Variants in RNMT observed in about 807,000 individuals in gnomAD.
RNMT encodes mRNA cap guanine-N(7) methyltransferase.
Under a neutral mutation model 56.0 loss-of-function variants are expected in RNMT, and 27 were observed. The ratio of observed to expected loss-of-function variants is 0.48; its 90% confidence interval spans 0.36 to 0.67. The LOEUF (loss-of-function observed/expected upper bound fraction) is 0.67. Ranked by LOEUF, RNMT falls within the 30% of genes least tolerant of loss-of-function variation. The pLI, the probability that RNMT is intolerant of heterozygous loss-of-function variation, is 0.00. For synonymous variants in RNMT, 184 were observed against 176.2 expected (o/e 1.04, Z -0.35); for missense variants, 519 against 552.1 (o/e 0.94, Z 0.60).
At chr18:13,728,771 A>AT (rs1183314415) in intron 1 of RNMT, among the ~76,000 whole-genome samples, 1 of 151,578 alleles carries the variant, frequency 6.6e-6, no homozygotes, top group African/African-American at 2.4e-5. Context: ...CCTGTTGGCC[A>AT]TTTGTGTGTC....
chr18:13,738,409 G>A (rs527548475), intron 5 of RNMT, among the ~76,000 whole-genome samples: 2 of 152,062 alleles, frequency 1.3e-5, no homozygotes, highest in Non-Finnish European at 2.9e-5. Context: ...ATTTTATTTT[G>A]GTTGATAAGT....
rs1038562958 is a variant in RNMT at position 13,763,818 on chromosome 18, A to G, written c.*3839A>G. On this transcript the variant is annotated 3_prime_UTR_variant, in exon 12 of 12. Transcript: ENST00000383314. ...CCAGATGACTCCTCACCCATCCACC[A>G]CCTGCAGCTTGAGATGTTAACTATT... The G allele has an allele frequency of 6.6e-6, 1 of 152,146 alleles. No individual in the cohort carries two copies. Among genetic ancestry groups the G allele is most frequent in the Non-Finnish European group, 1.5e-5 (1 of 68,076 alleles). The allele number at this position is 152,146 out of a possible 1,614,324, so 9.4% of individuals were successfully genotyped here.
At chr18:13,741,195 T>C (rs1456754018) in intron 6 of RNMT, among the ~76,000 whole-genome samples, 2 of 40,712 alleles carry the variant, frequency 4.9e-5, no homozygotes, top group African/African-American at 1.6e-4. Flanking sequence ...GTTTTTTAAC[T>C]CAAGTTATTG....
intron 9 of RNMT, among the ~76,000 whole-genome samples, chr18:13,751,866 G>A (rs551375264): frequency 6.6e-6 from 1 of 152,150 alleles, no homozygotes; most frequent in African/African-American, 2.4e-5. Context: ...ACTAACACAA[G>A]GACAGAAAAC....
Position 13,751,351 on chromosome 18 carries a change from A to G in RNMT, c.1258-975A>G, listed in dbSNP as rs796722746. 6.4e-4 allele frequency among the ~76,000 whole-genome samples: 97 copies of G among 152,390 alleles called. 1 individual carries two copies. Among genetic ancestry groups the G allele is most frequent in the African/African-American group, 2.2e-3 (93 of 41,598 alleles). On this transcript the variant is annotated intron_variant, in intron 9 of 11. Transcript: ENST00000383314. ...TCAAAACACGACATTTATGCAGCCA[A>G]CAGACACAGAGGAAATGCTCATCAT...
chr18:13,755,099 T>G (rs1275877984), intron 11 of RNMT, among the ~76,000 whole-genome samples: 5 of 152,214 alleles, frequency 3.3e-5, no homozygotes, highest in African/African-American at 1.2e-4. Flanking sequence ...GACAATCCAT[T>G]TGATAAACAT....
chr18:13,749,934 A>G (rs1018182038), intron 9 of RNMT, among the ~76,000 whole-genome samples: 2 of 150,932 alleles, frequency 1.3e-5, no homozygotes, highest in Non-Finnish European at 2.9e-5. Flanking sequence ...TACTTTTTGT[A>G]TTTTACGTAG....
chr18:13,728,515 T>G (rs972539449), intron 1 of RNMT, among the ~76,000 whole-genome samples: 15 of 151,942 alleles, frequency 9.9e-5, no homozygotes, highest in Admixed American at 8.5e-4. Flanking sequence ...TTTGTGTTTT[T>G]GGTAGAGACG....
At chr18:13,741,211 T>G (rs1023112647) in intron 6 of RNMT, among the ~76,000 whole-genome samples, 1 of 152,176 alleles carries the variant, frequency 6.6e-6, no homozygotes, top group Non-Finnish European at 1.5e-5. Flanking sequence ...TATTGTTGAA[T>G]GTCATTTTAT....
Position 13,731,945 on chromosome 18 carries a change from T to C in RNMT, c.417+11T>C. On this transcript the variant is annotated intron_variant, in intron 3 of 11. Coordinates refer to ENST00000383314, the MANE Select transcript of RNMT (RefSeq NM_003799.3). ...CCTGAAAAGCAGAAAGTATGTTCAG[T>C]GTATTTTCATTTATTCATAATAGAA... 1 of 1,569,210 alleles carries C rather than the reference T, an allele frequency of 6.4e-7. No individual in the cohort carries two copies. The highest frequency in any genetic ancestry group is 2.2e-5 in the East Asian group (1 of 44,626).
Position 13,731,832 on chromosome 18 carries a change from A to T in RNMT, c.315A>T (p.Arg105Ser). The T allele has an allele frequency of 6.2e-7, 1 of 1,613,568 alleles. No homozygotes were observed. The highest frequency in any genetic ancestry group is 1.7e-4 in the Middle Eastern group (1 of 6,058). The change falls in exon 3 of 12, where the codon AGA becomes AGT. Residue 105 changes from arginine (R) to serine (S), a missense_variant. Coordinates refer to ENST00000383314, the MANE Select transcript of RNMT (RefSeq NM_003799.3). Reference sequence around the variant, plus strand: ...ATGCTGAAGGCAATTCAAAGAAAAGAAAAAGAGAAACTGAGGATGTTCCAA... The same window carrying T: ...ATGCTGAAGGCAATTCAAAGAAAAGTAAAAGAGAAACTGAGGATGTTCCAA... ...CGDAEGNSKK[R>S]KRETEDVPKD...
chr18:13,732,306 C>T (rs543418120), intron 3 of RNMT, among the ~76,000 whole-genome samples: 5 of 152,172 alleles, frequency 3.3e-5, no homozygotes, highest in Middle Eastern at 3.4e-3. Flanking sequence ...AGCAGTCCTC[C>T]GGCGTTTTTA....
chr18:13,728,496 C>A (rs1025464731), intron 1 of RNMT, among the ~76,000 whole-genome samples: 1 of 151,644 alleles, frequency 6.6e-6, no homozygotes, highest in Non-Finnish European at 1.5e-5. Context: ...TCACCATGCC[C>A]GGCTGATTTT....
chr18:13,734,602 A>G lies in RNMT; in HGVS notation c.553+3A>G. On this transcript the variant is annotated splice_donor_region_variant and intron_variant, in intron 4 of 11. Transcript: ENST00000383314. ...TTGGATGAAAAGTGTTCTCATTGGT[A>G]TGATCCAACACCAAGCTACTGAGTC... The G allele has an allele frequency of 1.2e-6, 2 of 1,609,698 alleles. No homozygotes were observed. The highest frequency in any genetic ancestry group is 1.7e-6 in the Non-Finnish European group (2 of 1,177,600).
chr18:13,729,347 CATCTGTGATA>C (rs2044029258), intron 1 of RNMT, among the ~76,000 whole-genome samples: 1 of 152,190 alleles, frequency 6.6e-6, no homozygotes, highest in African/African-American at 2.4e-5. Flanking sequence ...TATTATGTCA[CATCTGTGATA>C]TCATGAAAGT....
Position 13,741,650 on chromosome 18 carries a change from G to A in RNMT, c.933G>A (p.Gly311=). The A allele has an allele frequency of 6.2e-7, 1 of 1,613,686 alleles. No homozygotes were observed. Among genetic ancestry groups the A allele is most frequent in the Non-Finnish European group, 8.5e-7 (1 of 1,179,804 alleles). Residue 311 remains glycine, a synonymous_variant, in exon 7 of 12, where the codon GGG becomes GGA. Transcript: ENST00000383314. ...ATGCGTGTGAGAGACTTAGCCCTGG[G>A]GGCTATTTTATTGGTACTACTCCCA... The part of the protein sequence containing the change: ...LRNACERLSP[G]GYFIGTTPNS...
chr18:13,741,894 A>C (rs2044257726), intron 7 of RNMT, among the ~76,000 whole-genome samples: 1 of 152,232 alleles, frequency 6.6e-6, no homozygotes, highest in African/African-American at 2.4e-5. Flanking sequence ...CTTTGTGTGT[A>C]AGTTAGAGAC....
Position 13,740,288 on chromosome 18 carries a change from T to A in RNMT, c.792+9T>A. 1 of 1,327,776 alleles carries A rather than the reference T, an allele frequency of 7.5e-7. No homozygotes were observed. Among genetic ancestry groups the A allele is most frequent in the Middle Eastern group, 1.8e-4 (1 of 5,538 alleles). The allele number at this position is 1,327,776 out of a possible 1,614,324, so 82.2% of individuals were successfully genotyped here. On this transcript the variant is annotated intron_variant, in intron 6 of 11. Transcript: ENST00000383314. ...CTGCTGACAGCTCAAAGGTACAGTT[T>A]CTTTCTTTGGTCAATTTATTTTTTA...
At chr18:13,751,729 CAA>C (rs2044450984) in intron 9 of RNMT, among the ~76,000 whole-genome samples, 1 of 152,120 alleles carries the variant, frequency 6.6e-6, no homozygotes, top group Admixed American at 6.5e-5. Context: ...AGATGTCCAT[CAA>C]TGATAGACTA....
Sources: allele counts gnomAD v4.1 joint callset (sites outside exome capture counted in the v4.1 genomes callset), GRCh38; gene constraint gnomAD v4.1.1; transcripts MANE v1.5; gene names NCBI Gene and HGNC (gene_info 2026-07-23, HGNC 2026-07-21).